LRRC69: variants seen among roughly 807,000 people sequenced by gnomAD.
The protein encoded by LRRC69 is leucine rich repeat containing 69, also known as leucine-rich repeat-containing protein 69.
In LRRC69, 42 loss-of-function variants were observed where a neutral mutation model predicts 37.8. The ratio of observed to expected loss-of-function variants is 1.11; its 90% CI spans 0.87 to 1.44. The LOEUF is 1.44. Ranked by LOEUF, LRRC69 falls within the 40% of genes most tolerant of loss-of-function variation. The pLI, the probability that LRRC69 is intolerant of heterozygous loss-of-function variation, is 0.00. For synonymous variants in LRRC69, 141 were observed against 143.1 expected (o/e 0.99, Z 0.11); for missense variants, 357 against 401.9 (o/e 0.89, Z 0.96).
chr8:91,134,901 T>G (rs1001341445), intron 4 of LRRC69, among the ~76,000 whole-genome samples: 2 of 152,024 alleles, frequency 1.3e-5, no homozygotes, highest in Non-Finnish European at 2.9e-5. Context: ...TATTTGTGAG[T>G]TTTTAAACCT....
At chr8:91,167,714 G>A (rs1160094141) in intron 5 of LRRC69, among the ~76,000 whole-genome samples, 2 of 151,896 alleles carry the variant, frequency 1.3e-5, no homozygotes, top group Non-Finnish European at 2.9e-5. Context: ...CCAATATAAT[G>A]TCACTAAAAG....
intron 5 of LRRC69, among the ~76,000 whole-genome samples, chr8:91,181,214 G>A (rs1394774878): frequency 1.3e-5 from 2 of 152,140 alleles, no homozygotes; most frequent in Admixed American, 6.5e-5. Context: ...AGAATTGGTA[G>A]AAGTTTTTTT....
chr8:91,113,748 A>G (rs1327673796), intron 1 of LRRC69, among the ~76,000 whole-genome samples: 1 of 151,868 alleles, frequency 6.6e-6, no homozygotes, highest in African/African-American at 2.4e-5. Flanking sequence ...AGCAAAGGAA[A>G]CAATCATCAG....
chr8:91,168,087 A>C (rs928886999), intron 5 of LRRC69, among the ~76,000 whole-genome samples: 1 of 151,852 alleles, frequency 6.6e-6, no homozygotes, highest in African/African-American at 2.4e-5. Flanking sequence ...TCTAGTAGGG[A>C]AGACTGATAA....
intron 5 of LRRC69, among the ~76,000 whole-genome samples, chr8:91,180,626 C>T (rs529871273): frequency 6.6e-6 from 1 of 152,042 alleles, no homozygotes; most frequent in Admixed American, 6.5e-5. Context: ...AGTACACTAA[C>T]AGCACAAAAT....
chr8:91,170,254 T>A (rs1809103910), intron 5 of LRRC69, among the ~76,000 whole-genome samples: 2 of 114,764 alleles, frequency 1.7e-5, no homozygotes, highest in South Asian at 6.5e-4. Flanking sequence ...TGGTTTTGAT[T>A]TGCATTTCTC....
intron 7 of LRRC69, among the ~76,000 whole-genome samples, chr8:91,205,206 A>C (rs192192455): frequency 1.3e-5 from 2 of 152,224 alleles, no homozygotes; most frequent in East Asian, 3.9e-4. Flanking sequence ...AAGTAGAGAG[A>C]TTTTATCAAG....
At chr8:91,150,964 A>G (rs1176746311) in intron 5 of LRRC69, among the ~76,000 whole-genome samples, 1 of 151,360 alleles carries the variant, frequency 6.6e-6, no homozygotes. Context: ...TGTCTGTTTC[A>G]TTCTTCTCTC....
chr8:91,191,979 A>T (rs28498511), intron 6 of LRRC69, among the ~76,000 whole-genome samples: 1 of 142,626 alleles, frequency 7.0e-6, no homozygotes. Context: ...ATATCTCCCA[A>T]TGCTATCCCT....
intron 7 of LRRC69, among the ~76,000 whole-genome samples, chr8:91,210,987 G>T (rs1809904044): frequency 1.3e-5 from 2 of 152,086 alleles, no homozygotes; most frequent in African/African-American, 4.8e-5. Flanking sequence ...GAGAGCTAAA[G>T]ATGAAATGTT....
At chr8:91,118,504 G>C (rs1813558589) in intron 1 of LRRC69, 2 of 283,522 alleles carry the variant, frequency 7.1e-6, no homozygotes, top group South Asian at 3.1e-5. Flanking sequence ...ACGCCAGCCT[G>C]GGTGACAGAG....
rs1011862263 is a variant in LRRC69 at position 91,124,617 on chromosome 8, G to C, written c.308G>C (p.Cys103Ser). Reference sequence around the variant, plus strand: ...ATCTGTAGATTTGCACCTGGAGCCTGTGGTAATTTAATCAACAAGGAACAA... The same window carrying C: ...ATCTGTAGATTTGCACCTGGAGCCTCTGGTAATTTAATCAACAAGGAACAA... The change falls in exon 2 of 8, where the codon TGT (cysteine) becomes TCT (serine). Residue 103 changes from cysteine (C) to serine (S), a missense_variant and splice_region_variant. Coordinates refer to ENST00000448384, the Ensembl canonical transcript of LRRC69. The C allele has an allele frequency of 2.2e-5, 33 of 1,530,560 alleles. 1 individual carries two copies. Among genetic ancestry groups the C allele is most frequent in the Middle Eastern group, 3.4e-4 (2 of 5,836 alleles). The allele number at this position is 1,530,560 out of a possible 1,614,324, so 94.8% of individuals were successfully genotyped here. A position where few individuals can be genotyped will look rare whatever the true frequency, so the allele number is the denominator to read the frequency against.
intron 1 of LRRC69, among the ~76,000 whole-genome samples, chr8:91,107,249 C>G (rs1302082383): frequency 6.6e-6 from 1 of 151,826 alleles, no homozygotes; most frequent in Non-Finnish European, 1.5e-5. Context: ...ATTTTCCTTC[C>G]TCAGCCTCCC....
chr8:91,131,946 C>T (rs1813815322), intron 3 of LRRC69, among the ~76,000 whole-genome samples: 1 of 151,044 alleles, frequency 6.6e-6, no homozygotes, highest in African/African-American at 2.4e-5. Flanking sequence ...TTTCTGTTGG[C>T]TTCCTCTCTC....
At chr8:91,112,711 A>G (rs1301383965) in intron 1 of LRRC69, among the ~76,000 whole-genome samples, 1 of 152,036 alleles carries the variant, frequency 6.6e-6, no homozygotes. Flanking sequence ...ACTTTTCAAC[A>G]TAGTACTGGA....
chr8:91,161,865 C>A (rs1294262194), intron 5 of LRRC69, among the ~76,000 whole-genome samples: 3 of 151,152 alleles, frequency 2.0e-5, no homozygotes, highest in South Asian at 2.1e-4. Flanking sequence ...TATTTAAAAT[C>A]TTTCTAATTT....
At chr8:91,108,758 G>A (rs1239225333) in intron 1 of LRRC69, among the ~76,000 whole-genome samples, 1 of 151,968 alleles carries the variant, frequency 6.6e-6, no homozygotes, top group Non-Finnish European at 1.5e-5. Context: ...AAGCTCATCA[G>A]CTATCATTAG....
rs551135986 is a variant in LRRC69 at position 91,135,545 on chromosome 8, C to T, written c.580-123C>T. The stretch of plus-strand genomic sequence containing the variant: ...CGGGAAGATGTGCTGAAGAATTGGT[C>T]AGTACAGTGATTAGAAAAGATGGCC... On this transcript the variant is annotated intron_variant, in intron 4 of 7. Transcript: ENST00000448384. 411 of 548,126 alleles carry T rather than the reference C, an allele frequency of 7.5e-4. 1 individual carries two copies. The highest frequency in any genetic ancestry group is 3.0e-3 in the Middle Eastern group (9 of 3,016). The allele number at this position is 548,126 out of a possible 1,614,324, so 34.0% of individuals were successfully genotyped here. A position where few individuals can be genotyped will look rare whatever the true frequency, so the allele number is the denominator to read the frequency against.
Position 91,213,295 on chromosome 8 carries a change from T to A in LRRC69, c.934-5595T>A, listed in dbSNP as rs75968626. Among the ~76,000 whole-genome samples, 1,288 of 152,242 alleles carry A rather than the reference T, an allele frequency of 8.5e-3. 23 individuals carry two copies. The highest frequency in any genetic ancestry group is 0.03 in the African/African-American group (1,251 of 41,544). On this transcript the variant is annotated intron_variant, in intron 7 of 7. Transcript: ENST00000448384. Reference sequence around the variant, plus strand: ...AAGGGTGGAATGACCATATAATGTGTCGTCTAAGCCAAGATGCTTTTGAGA... The same window carrying A: ...AAGGGTGGAATGACCATATAATGTGACGTCTAAGCCAAGATGCTTTTGAGA...
Sources: gnomAD v4.1 joint callset for allele counts (sites outside exome capture counted in the v4.1 genomes callset) on GRCh38, gnomAD v4.1.1 for gene constraint, MANE v1.5 for transcripts, NCBI Gene and HGNC (gene_info 2026-07-23, HGNC 2026-07-21) for gene names.